The following PITPNM2 variants were observed in gnomAD, a reference collection of about 807,000 sequenced individuals.
PITPNM2 encodes the protein phosphatidylinositol transfer protein membrane associated 2.
PITPNM2 carries 35 observed loss-of-function variants against 132.2 expected under a neutral mutation model. The observed-to-expected ratio is 0.26, with a 90% confidence interval of 0.20 to 0.35. PITPNM2 has a LOEUF of 0.35. Ranked by LOEUF, PITPNM2 falls within the 10% of genes least tolerant of loss-of-function variation. The pLI, the probability that PITPNM2 is intolerant of heterozygous loss-of-function variation, is 1.00. For missense variants in PITPNM2, 1,332 were observed against 1,912.0 expected (o/e 0.70, Z 5.66); for synonymous variants, 738 against 799.2 (o/e 0.92, Z 1.29).
In PITPNM2 at chr12:123,099,786, G is replaced by A. The variant is rs1336807774; in HGVS notation, c.-96+10599C>T. Among the ~76,000 whole-genome samples, 1 of 152,112 alleles carries A rather than the reference G, an allele frequency of 6.6e-6. No homozygotes were observed. Among genetic ancestry groups the A allele is most frequent in the East Asian group, 1.9e-4 (1 of 5,186 alleles). ...CCCACAGCTGGCGCACTATCCTTAG[G>A]AAGCCCCTCCAGCTGAGGAGAGAGA... On this transcript the variant is annotated intron_variant, in intron 2 of 25. Transcript: ENST00000320201. This position sits in a 1 kb window ranked among gnomAD's most constrained non-coding sequence, Gnocchi z 4.2.
At chr12:123,050,897 T>C (rs1326369952) in intron 2 of PITPNM2, among the ~76,000 whole-genome samples, 1 of 152,234 alleles carries the variant, frequency 6.6e-6, no homozygotes, top group Non-Finnish European at 1.5e-5. Flanking sequence ...AAAAAACCAC[T>C]GGTCAAATTT....
intron 2 of PITPNM2, among the ~76,000 whole-genome samples, chr12:123,104,075 C>A (rs2042632536): frequency 6.6e-6 from 1 of 152,160 alleles, no homozygotes; most frequent in Non-Finnish European, 1.5e-5. Context: ...AGGCATGCAC[C>A]ACCACATCTG....
Position 123,001,095 on chromosome 12 carries a change from A to G in PITPNM2, c.1112T>C (p.Leu371Pro), listed in dbSNP as rs1339546162. ...CTCTGGGCTCTCGATCTTGTCCATG[A>G]GGTCATTGGAGCTCCACTTGGTGAT... The part of the protein sequence containing the change: ...KDITKWSSND[L>P]MDKIESPEPE... The change falls in exon 9 of 26, where the codon CTC becomes CCC. Residue 371 changes from leucine to proline, a missense_variant. Physicochemically the swap from Leu to Pro is moderately conservative, Grantham distance 98. Transcript: ENST00000320201. The G allele has an allele frequency of 5.0e-6, 8 of 1,614,086 alleles. No homozygotes were observed. Among genetic ancestry groups the G allele is most frequent in the Non-Finnish European group, 6.8e-6 (8 of 1,180,010 alleles).
intron 14 of PITPNM2, 23 bp downstream of exon 14, chr12:122,995,366 C>T (rs768650189): frequency 1.3e-6 from 2 of 1,564,318 alleles, no homozygotes; most frequent in African/African-American, 2.7e-5. Flanking sequence ...AGAGGCAAGC[C>T]CCAGCCCCCC....
At position 123,020,245 on chromosome 12, in the gene PITPNM2, C is replaced by A. The variant is rs61516893; in HGVS notation, c.79-6203G>T. Reference sequence around the variant, plus strand: ...AAGTGATTCTCCCACCTCAGCCTCCCGAATAGCTGGGATTATAGTCACGCG... The same window carrying A: ...AAGTGATTCTCCCACCTCAGCCTCCAGAATAGCTGGGATTATAGTCACGCG... On this transcript the variant is annotated intron_variant, in intron 3 of 25. Coordinates refer to ENST00000320201, the MANE Select transcript of PITPNM2 (RefSeq NM_020845.3). 2.6e-5 allele frequency among the ~76,000 whole-genome samples: 4 copies of A among 151,920 alleles called. 1 individual carries two copies. In the South Asian group the frequency reaches 8.3e-4, roughly 32 times the overall value.
Position 123,143,034 on chromosome 12 carries a change from G to A in PITPNM2, c.-200+7719C>T, listed in dbSNP as rs181747246. 5.0e-3 allele frequency among the ~76,000 whole-genome samples: 761 copies of A among 152,296 alleles called. 6 individuals are homozygous for A. Among genetic ancestry groups the A allele is most frequent in the Non-Finnish European group, 7.8e-3 (533 of 68,020 alleles). On this transcript the variant is annotated intron_variant, in intron 1 of 25. Transcript: ENST00000320201. Reference sequence around the variant, plus strand: ...TTAAGCACGCATCCACACCTGTGGGGAAGCCCTGCCTCTCAGACAACCTCA... The same window carrying A: ...TTAAGCACGCATCCACACCTGTGGGAAAGCCCTGCCTCTCAGACAACCTCA...
At chr12:123,119,193 T>A (rs2042987227) in intron 1 of PITPNM2, among the ~76,000 whole-genome samples, 1 of 152,174 alleles carries the variant, frequency 6.6e-6, no homozygotes, top group African/African-American at 2.4e-5. Context: ...ATTTCTCCAA[T>A]GATCTCCTGG....
rs148992078 is a variant in PITPNM2 at position 123,008,034 on chromosome 12, C to T, written c.643+1816G>A. Among the ~76,000 whole-genome samples, 114 of 152,310 alleles carry T rather than the reference C, an allele frequency of 7.5e-4. No homozygotes were observed. In the Middle Eastern group the frequency reaches 0.014, roughly 18 times the overall value. On this transcript the variant is annotated intron_variant, in intron 6 of 25. Coordinates refer to ENST00000320201, the MANE Select transcript of PITPNM2 (RefSeq NM_020845.3). This position sits in a 1 kb window ranked among gnomAD's most constrained non-coding sequence, Gnocchi z 4.1. ...CCCACGGTCTCGGCCCACAACAGTC[C>T]GATAGGATCGGTGTCATTACACCCA...
rs2037954386 is a variant in PITPNM2, at chr12:122,986,818, T to C, written c.3425A>G (p.Asp1142Gly). The change falls in exon 24 of 26, where the codon GAC becomes GGC. Residue 1142 changes from aspartate (D) to glycine (G), a missense_variant. Transcript: ENST00000320201. ...GAVDVVRHWQ[D>G]LGYLIIYVTG... ...CACGTAGATGATGAGGTAGCCCAGG[T>C]CCTGCCAGTGCCTGGGGGTGAGGTG... The C allele has an allele frequency of 2.5e-6, 4 of 1,611,026 alleles. No homozygotes were observed. The East Asian group carries it at 8.9e-5, about 36-fold the overall frequency.
At chr12:123,062,691 A>G (rs1015442884) in intron 2 of PITPNM2, among the ~76,000 whole-genome samples, 3 of 152,264 alleles carry the variant, frequency 2.0e-5, no homozygotes, top group Non-Finnish European at 2.9e-5. Context: ...AAGACTATAA[A>G]TAGCCTCACT....
rs1288148341 is a variant in PITPNM2 at position 123,031,666 on chromosome 12, AGAG to A, written c.78+2844_78+2846del. Among the ~76,000 whole-genome samples the A allele has an allele frequency of 6.6e-6, 1 of 152,172 alleles. No individual in the cohort carries two copies. The highest frequency in any genetic ancestry group is 1.5e-5 in the Non-Finnish European group (1 of 68,032). On this transcript the variant is annotated intron_variant, in intron 3 of 25. Transcript: ENST00000320201. This position sits in a 1 kb window ranked among gnomAD's most constrained non-coding sequence, Gnocchi z 4.5. ...ACACCCCCAGCCTCAAGGCCTGCCC[AGAG>A]GAGAGCTGCCCAGCCAGCCAGCCTG... is the stretch of plus-strand genomic sequence containing the variant.
At position 123,106,694 on chromosome 12, in the gene PITPNM2, T is replaced by C. The variant is rs542585782; in HGVS notation, c.-96+3691A>G. Among the ~76,000 whole-genome samples, 5 of 152,094 alleles carry C rather than the reference T, an allele frequency of 3.3e-5. No individual in the cohort carries two copies. Among genetic ancestry groups the C allele is most frequent in the Non-Finnish European group, 7.4e-5 (5 of 68,002 alleles). ...CATGGGTCATCAGATTGTGCCCAGA[T>C]CTCTACCAAGCTCTGTGGGGACAGC... On this transcript the variant is annotated intron_variant, in intron 2 of 25. Transcript: ENST00000320201. This position sits in a 1 kb window ranked among gnomAD's most constrained non-coding sequence, Gnocchi z 4.4.
In PITPNM2 at chr12:122,993,271, C is replaced by T. The variant is rs2038277870; in HGVS notation, c.2234-602G>A. Among the ~76,000 whole-genome samples, 1 of 152,212 alleles carries T rather than the reference C, an allele frequency of 6.6e-6. No homozygotes were observed. Among genetic ancestry groups the T allele is most frequent in the South Asian group, 2.1e-4 (1 of 4,836 alleles). On this transcript the variant is annotated intron_variant, in intron 15 of 25. Coordinates refer to ENST00000320201, the MANE Select transcript of PITPNM2 (RefSeq NM_020845.3). This position sits in a 1 kb window ranked among gnomAD's most constrained non-coding sequence, Gnocchi z 5.2. ...GCTCCAGCTCATCTTGCGGGAGCAC[C>T]ACCGAGTGCTGGCTAGGGCAGCCCT...
intron 3 of PITPNM2, among the ~76,000 whole-genome samples, chr12:123,027,591 G>T (rs188045752): frequency 3.3e-5 from 5 of 152,334 alleles, no homozygotes; most frequent in Non-Finnish European, 5.9e-5. Flanking sequence ...AACTGTGCAG[G>T]TTATCGTGAG....
chr12:122,990,591 C>G lies in PITPNM2; in HGVS notation c.2523G>C (p.Gln841His). The change falls in exon 17 of 26, where the codon CAG (glutamine) becomes CAC (histidine). Residue 841 changes from glutamine (Q) to histidine (H), a missense_variant. By Grantham distance (24) the Gln-to-His change is conservative. Coordinates refer to ENST00000320201, the MANE Select transcript of PITPNM2 (RefSeq NM_020845.3). ...RRASEISIAS[Q>H]VSGMAESYTA... ...TGTAGCTCTCAGCCATGCCTGACAC[C>G]TGGCTGGCGATGCTGATCTCACTGG... is the stretch of plus-strand genomic sequence containing the variant. The G allele has an allele frequency of 6.2e-7, 1 of 1,612,838 alleles. No individual in the cohort carries two copies. Among genetic ancestry groups the G allele is most frequent in the Non-Finnish European group, 8.5e-7 (1 of 1,179,982 alleles).
At chr12:123,129,181 G>T (rs963660455) in intron 1 of PITPNM2, among the ~76,000 whole-genome samples, 1 of 151,764 alleles carries the variant, frequency 6.6e-6, no homozygotes, top group Non-Finnish European at 1.5e-5. Flanking sequence ...CACACTTGTA[G>T]TCCCAACTAC....
rs1022356054 is a variant in PITPNM2, at chr12:122,988,287, G to A, written c.2944C>T (p.Pro982Ser). ...TGCCACTTCTCCCTTGGCTTTGAGG[G>A]GGTGAACACCGACACTTCCTTGCCA... is the stretch of plus-strand genomic sequence containing the variant. ...LDGKEVSVFT[P>S]SKPREKWQRK... Residue 982 changes from proline (P) to serine (S), a missense_variant, in exon 20 of 26, where the codon CCC (proline) becomes TCC (serine). Physicochemically the swap from Pro to Ser is moderately conservative, Grantham distance 74. Coordinates refer to ENST00000320201, the MANE Select transcript of PITPNM2 (RefSeq NM_020845.3). 2 of 1,613,424 alleles carry A rather than the reference G, an allele frequency of 1.2e-6. No individual in the cohort carries two copies. The highest frequency in any genetic ancestry group is 2.2e-5 in the East Asian group (1 of 44,874).
chr12:123,104,802 C>T (rs2042661849), intron 2 of PITPNM2, among the ~76,000 whole-genome samples: 1 of 152,170 alleles, frequency 6.6e-6, no homozygotes, highest in Non-Finnish European at 1.5e-5. Context: ...ACACATGAAA[C>T]TCCCTATTGC....
In PITPNM2 at chr12:122,992,445, A is replaced by G; in HGVS notation, c.2404+54T>C. The stretch of plus-strand genomic sequence containing the variant: ...AGCATGGAGGACCTAGGAGCCAGGG[A>G]GCCACGCTTACCCCACCTTCCCCCA... On this transcript the variant is annotated intron_variant, in intron 16 of 25. Transcript: ENST00000320201. This position sits in a 1 kb window ranked among gnomAD's most constrained non-coding sequence, Gnocchi z 6.5. The G allele has an allele frequency of 6.5e-7, 1 of 1,540,784 alleles. No homozygotes were observed.
Sources: gnomAD v4.1 joint callset for allele counts (sites outside exome capture counted in the v4.1 genomes callset) on GRCh38, gnomAD v4.1.1 for gene constraint, Gnocchi (gnomAD v3.1) non-coding constraint, MANE v1.5 for transcripts, NCBI Gene and HGNC (gene_info 2026-07-23, HGNC 2026-07-21) for gene names.